Variants in CELSR1 observed in about 807,000 individuals in gnomAD.
CELSR1 encodes cadherin EGF LAG seven-pass G-type receptor 1, also known as adhesion G protein-coupled receptor C1.
CELSR1 carries 110 observed loss-of-function variants against 249.1 expected under a neutral mutation model. The ratio of observed to expected loss-of-function variants is 0.44; its 90% CI spans 0.38 to 0.52. The LOEUF is 0.52. CELSR1 is among the 20% of genes least tolerant of loss of function. The pLI is 0.00. For missense variants in CELSR1, 4,109 were observed against 4,296.4 expected, an observed-to-expected ratio of 0.96 and a Z score of 1.22; for synonymous variants, 2,113 against 1,900.0, an observed-to-expected ratio of 1.11 and a Z score of -2.92.
intron 1 of CELSR1, among the ~76,000 whole-genome samples, chr22:46,497,195 C>T (rs144472815): frequency 1.7e-4 from 26 of 152,338 alleles, no homozygotes; most frequent in Non-Finnish European, 3.2e-4. Flanking sequence ...CATTATGCCT[C>T]ACTTCACTAT....
rs1325211161 is a variant in CELSR1 at position 46,399,828 on chromosome 22, C to T, written c.5301G>A (p.Leu1767=). Residue 1767 remains leucine (L), a synonymous_variant, in exon 10 of 35, where the codon TTG becomes TTA. Coordinates refer to ENST00000674500, the MANE Select transcript of CELSR1 (RefSeq NM_001378328.1). The surrounding 1 kb of genome is among the most constrained non-coding windows in gnomAD (Gnocchi z 5.0). ...GGTGCCACTCCCCGTCGGTCACCCG[C>T]AACCCGGACAGCATCACGGACTCCA... ...SDVESVMLSG[L]RVTDGEWHHL... is the part of the protein sequence containing the mutation. The T allele has an allele frequency of 6.2e-7, 1 of 1,614,142 alleles. No homozygotes were observed. The highest frequency in any genetic ancestry group is 1.7e-5 in the Admixed American group (1 of 60,022).
intron 2 of CELSR1, among the ~76,000 whole-genome samples, chr22:46,459,157 G>C (rs925780496): frequency 1.1e-4 from 17 of 152,100 alleles, no homozygotes; most frequent in African/African-American, 4.1e-4. Context: ...CAAAGTGCTG[G>C]GATTACAGAT....
chr22:46,370,559 G>C (rs192295674), intron 25 of CELSR1, among the ~76,000 whole-genome samples: 1 of 152,226 alleles, frequency 6.6e-6, no homozygotes, highest in East Asian at 1.9e-4. Flanking sequence ...TGTCCATGCA[G>C]AGCATCAAGG....
At chr22:46,385,233 C>T (rs1231744082) in intron 19 of CELSR1, among the ~76,000 whole-genome samples, 1 of 152,202 alleles carries the variant, frequency 6.6e-6, no homozygotes, top group African/African-American at 2.4e-5. Flanking sequence ...GCTGGGAATA[C>T]AGGAGCATGC....
intron 1 of CELSR1, among the ~76,000 whole-genome samples, chr22:46,477,827 G>A (rs1260514634): frequency 6.6e-6 from 1 of 151,980 alleles, no homozygotes; most frequent in Non-Finnish European, 1.5e-5. Context: ...AAGATAAGAA[G>A]AAAAAGGAGG....
chr22:46,521,181 G>A (rs5768881), intron 1 of CELSR1, among the ~76,000 whole-genome samples: 126,129 of 152,176 alleles, frequency 0.83, 52,748 homozygotes, highest in East Asian at 0.94. Context: ...ACACTGCTAT[G>A]AACATGGGTG....
rs368458281 is a variant in CELSR1, at chr22:46,364,731, C to T, written c.8560G>A (p.Ala2854Thr). Residue 2854 changes from alanine to threonine, a missense_variant, in exon 33 of 35, where the codon GCT becomes ACT. Ala to Thr is a moderately conservative substitution (Grantham distance 58). Around this residue, in one of 7 missense-constraint regions of CELSR1, gnomAD observed 1,805 missense variants for 1,831.6 expected, o/e 0.99. Transcript: ENST00000674500. ...CCGGCCGGAACGTGGTTGGCCACAGCGTCCCCTGAGGCACGAGAGCGGTGC... is the reference window on the plus strand; with the variant it reads ...CCGGCCGGAACGTGGTTGGCCACAGTGTCCCCTGAGGCACGAGAGCGGTGC... ...GAVHSTPKGD[A>T]VANHVPAGWP... 5.0e-6 allele frequency: 8 copies of T among 1,611,410 alleles called. No individual in the cohort carries two copies. The highest frequency in any genetic ancestry group is 3.3e-5 in the Admixed American group (2 of 59,932).
intron 5 of CELSR1, among the ~76,000 whole-genome samples, chr22:46,418,207 G>C (rs138891189): frequency 1.3e-5 from 2 of 152,204 alleles, no homozygotes; most frequent in Non-Finnish European, 2.9e-5. Flanking sequence ...GGGGCTGAAC[G>C]CAGTGGCTCA....
intron 1 of CELSR1, among the ~76,000 whole-genome samples, chr22:46,528,211 T>G (rs1038503712): frequency 1.6e-4 from 25 of 152,168 alleles, no homozygotes; most frequent in Non-Finnish European, 3.5e-4. Context: ...ACTTCCTTCT[T>G]TGCAATCGTC....
chr22:46,382,010 C>A lies in CELSR1; in HGVS notation c.6924G>T (p.Pro2308=), dbSNP rs762275081. 1.9e-6 allele frequency: 3 copies of A among 1,558,926 alleles called. No homozygotes were observed. Among genetic ancestry groups the A allele is most frequent in the Non-Finnish European group, 2.6e-6 (3 of 1,153,306 alleles). Residue 2308 remains proline (P), a synonymous_variant, in exon 21 of 35, where the codon CCG becomes CCT. Transcript: ENST00000674500. ...LLRPAGRRTT[P]QTTRPGPGTE... ...TGCCAGGCCCCGGGCGCGTGGTCTG[C>A]GGGGTGGTCCTCCGGCCAGCCGGCC...
At chr22:46,387,369 TTTTG>T (rs201854760) in intron 18 of CELSR1, among the ~76,000 whole-genome samples, 4,221 of 152,172 alleles carry the variant, frequency 0.028, 195 homozygotes, top group African/African-American at 0.095. Flanking sequence ...AAGGAAGTCT[TTTTG>T]TTTGTTTGTT....
chr22:46,508,205 C>T (rs1000350281), intron 1 of CELSR1, among the ~76,000 whole-genome samples: 1 of 152,052 alleles, frequency 6.6e-6, no homozygotes, highest in Non-Finnish European at 1.5e-5. Flanking sequence ...CCACTCTCGC[C>T]CTGCCCTGGC....
chr22:46,416,725 C>G (rs1037309207), intron 5 of CELSR1, among the ~76,000 whole-genome samples: 1 of 152,174 alleles, frequency 6.6e-6, no homozygotes, highest in African/African-American at 2.4e-5. Flanking sequence ...CTCCAGGAGT[C>G]ATCCCCGGGG....
intron 2 of CELSR1, among the ~76,000 whole-genome samples, chr22:46,444,948 G>C (rs777707485): frequency 6.6e-5 from 10 of 152,230 alleles, no homozygotes; most frequent in Non-Finnish European, 2.9e-5. Context: ...GCTCGTGCCT[G>C]TAATCCCAGC....
rs1602175300 is a variant in CELSR1, at chr22:46,464,841, A to G, written c.3545-496T>C. Reference sequence around the variant, plus strand: ...TTCCTGTCCTCGCAGCTCAGCTCAAACTCTGCAGTGCCTGGCAAGCCCGCC... The same window carrying G: ...TTCCTGTCCTCGCAGCTCAGCTCAAGCTCTGCAGTGCCTGGCAAGCCCGCC... On this transcript the variant is annotated intron_variant, in intron 1 of 34. Transcript: ENST00000674500. The surrounding 1 kb of genome is among the most constrained non-coding windows in gnomAD (Gnocchi z 8.5). Among the ~76,000 whole-genome samples the G allele has an allele frequency of 6.6e-6, 1 of 151,646 alleles. No individual in the cohort carries two copies. The highest frequency in any genetic ancestry group is 2.4e-5 in the African/African-American group (1 of 41,262).
At chr22:46,450,114 C>T (rs1385115591) in intron 2 of CELSR1, among the ~76,000 whole-genome samples, 1 of 152,226 alleles carries the variant, frequency 6.6e-6, no homozygotes, top group East Asian at 1.9e-4. Context: ...ACAGAAAAGC[C>T]CAGGCGGCTG....
chr22:46,405,183 G>A (rs187369202), intron 9 of CELSR1, among the ~76,000 whole-genome samples: 4 of 151,418 alleles, frequency 2.6e-5, no homozygotes, highest in East Asian at 2.0e-4. Context: ...TTGCTTGGCC[G>A]TGCACAGTGG....
rs753745880 is a variant in CELSR1, at chr22:46,442,935, CAA to C, written c.4184-3526_4184-3525del. 4.2e-3 allele frequency among the ~76,000 whole-genome samples: 592 copies of C among 140,984 alleles called. 4 individuals carry two copies. Among genetic ancestry groups the C allele is most frequent in the African/African-American group, 0.015 (569 of 38,814 alleles). 92.5% of individuals were successfully genotyped at this position (140,984 alleles called of 152,430 possible). On this transcript the variant is annotated intron_variant, in intron 2 of 34. Coordinates refer to ENST00000674500, the MANE Select transcript of CELSR1 (RefSeq NM_001378328.1). ...TGAAACCCCATCGCTACTAAAAATA[CAA>C]AAAAAAAAAAATTAACCGGGTGTGT...
In CELSR1 at chr22:46,369,773, G is replaced by A. The variant is rs553683353; in HGVS notation, c.7791C>T (p.Tyr2597=). 57 of 1,613,228 alleles carry A rather than the reference G, an allele frequency of 3.5e-5. No homozygotes were observed. In the East Asian group the frequency reaches 5.3e-4, roughly 15 times the overall value. ...ACAGCCAGCAGAAGTCGGGGTTCCC[G>A]TAGCCCTGGGGGTCCAGGCCGACCG... ...GLAVGLDPQG[Y]GNPDFCWLSL... is the part of the protein sequence containing the mutation. The change falls in exon 26 of 35, where the codon TAC becomes TAT. Residue 2597 remains tyrosine, a synonymous_variant. Coordinates refer to ENST00000674500, the MANE Select transcript of CELSR1 (RefSeq NM_001378328.1).
Sources: allele counts gnomAD v4.1 joint callset (sites outside exome capture counted in the v4.1 genomes callset), GRCh38; gene constraint gnomAD v4.1.1; regional missense constraint gnomAD v4.1.1; non-coding constraint Gnocchi (gnomAD v3.1); transcripts MANE v1.5; gene names NCBI Gene and HGNC (gene_info 2026-07-23, HGNC 2026-07-21).